Variants in PLEKHG1 observed in about 807,000 individuals in gnomAD.
PLEKHG1 encodes pleckstrin homology domain-containing family G member 1.
PLEKHG1 carries 44 observed loss-of-function variants against 100.8 expected under a neutral mutation model. The observed-to-expected ratio is 0.44, with a 90% CI of 0.34 to 0.56. PLEKHG1 has a LOEUF of 0.56. PLEKHG1 is among the 20% of genes least tolerant of loss of function. PLEKHG1 has a pLI of 0.01. For synonymous variants in PLEKHG1, 640 were observed against 662.5 expected (o/e 0.97, Z 0.52); for missense variants, 1,545 against 1,720.9 (o/e 0.90, Z 1.81).
At chr6:150,708,510 G>A (rs1314716191) in intron 3 of PLEKHG1, among the ~76,000 whole-genome samples, 2 of 152,126 alleles carry the variant, frequency 1.3e-5, no homozygotes, top group African/African-American at 2.4e-5. Context: ...AAATCAGTCA[G>A]TCATTCCATA....
At chr6:150,785,901 G>C (rs1476579089) in intron 3 of PLEKHG1, among the ~76,000 whole-genome samples, 1 of 152,088 alleles carries the variant, frequency 6.6e-6, no homozygotes, top group Non-Finnish European at 1.5e-5. Flanking sequence ...CTAATGGTAA[G>C]TGTAATGCAC....
At chr6:150,775,300 T>TG (rs1233415908) in intron 3 of PLEKHG1, among the ~76,000 whole-genome samples, 4 of 152,194 alleles carry the variant, frequency 2.6e-5, no homozygotes, top group Non-Finnish European at 5.9e-5. Context: ...TAAACAGTAA[T>TG]TTGAGCCTTT....
intron 2 of PLEKHG1, among the ~76,000 whole-genome samples, chr6:150,753,827 G>A (rs1783668793): frequency 1.3e-5 from 2 of 152,220 alleles, no homozygotes; most frequent in Admixed American, 1.3e-4. Context: ...GAGCAAGGGA[G>A]GAATGTTGGG....
At chr6:150,743,270 A>T (rs892601789) in intron 2 of PLEKHG1, among the ~76,000 whole-genome samples, 1 of 152,218 alleles carries the variant, frequency 6.6e-6, no homozygotes, top group Non-Finnish European at 1.5e-5. Flanking sequence ...CTGTAATCCC[A>T]GCACTTTGGG....
At chr6:150,649,691 A>G (rs950810848) in intron 2 of PLEKHG1, among the ~76,000 whole-genome samples, 1 of 152,060 alleles carries the variant, frequency 6.6e-6, no homozygotes, top group African/African-American at 2.4e-5. Context: ...AGCCTGGCCA[A>G]CATGGTGAAA....
chr6:150,752,865 A>G (rs951655181), intron 2 of PLEKHG1, among the ~76,000 whole-genome samples: 2 of 152,132 alleles, frequency 1.3e-5, no homozygotes, highest in African/African-American at 4.8e-5. Flanking sequence ...TAATCCCAGC[A>G]CTTTGGGAGG....
intron 3 of PLEKHG1, among the ~76,000 whole-genome samples, chr6:150,775,309 T>C (rs1440818689): frequency 6.6e-6 from 1 of 152,226 alleles, no homozygotes; most frequent in African/African-American, 2.4e-5. Flanking sequence ...ATTTGAGCCT[T>C]TCTTTAAGAA....
chr6:150,679,722 C>G (rs1005666224), intron 3 of PLEKHG1, among the ~76,000 whole-genome samples: 1 of 152,148 alleles, frequency 6.6e-6, no homozygotes, highest in Non-Finnish European at 1.5e-5. Flanking sequence ...AAAACACATG[C>G]GCTTTCCCTG....
intron 2 of PLEKHG1, among the ~76,000 whole-genome samples, chr6:150,644,780 A>G (rs528602405): frequency 6.6e-6 from 1 of 152,362 alleles, no homozygotes; most frequent in East Asian, 1.9e-4. Flanking sequence ...CCCTAGAAAT[A>G]CATCTAGTGA....
chr6:150,602,041 A>T (rs915210466), intron 1 of PLEKHG1, among the ~76,000 whole-genome samples: 20 of 152,172 alleles, frequency 1.3e-4, no homozygotes, highest in African/African-American at 4.8e-4. Context: ...ACCAAGAATA[A>T]CCAGTCCTAT....
At chr6:150,775,478 A>G (rs1034546684) in intron 3 of PLEKHG1, among the ~76,000 whole-genome samples, 1 of 152,186 alleles carries the variant, frequency 6.6e-6, no homozygotes, top group African/African-American at 2.4e-5. Flanking sequence ...TTTATTCAGT[A>G]TACCTATGTT....
At chr6:150,739,821 A>G (rs1426524253) in intron 2 of PLEKHG1, among the ~76,000 whole-genome samples, 3 of 152,298 alleles carry the variant, frequency 2.0e-5, no homozygotes, top group African/African-American at 4.8e-5. Context: ...CACCAACCCC[A>G]AGCTCTGTGT....
At chr6:150,816,474 C>T (rs1171518551) in intron 10 of PLEKHG1, among the ~76,000 whole-genome samples, 1 of 151,326 alleles carries the variant, frequency 6.6e-6, no homozygotes, top group African/African-American at 2.4e-5. Flanking sequence ...ATGTCAGGCA[C>T]ACACCACCAC....
chr6:150,727,364 A>T (rs962043075), intron 1 of PLEKHG1, among the ~76,000 whole-genome samples: 1 of 152,220 alleles, frequency 6.6e-6, no homozygotes, highest in Non-Finnish European at 1.5e-5. Context: ...AACGTTCTGC[A>T]TGAAACCTAA....
At chr6:150,678,561 T>C (rs1026365487) in intron 3 of PLEKHG1, among the ~76,000 whole-genome samples, 17 of 152,228 alleles carry the variant, frequency 1.1e-4, no homozygotes. Context: ...ATTAATTTTG[T>C]GCAGGCAGGG....
chr6:150,701,329 A>C (rs1389828409), intron 3 of PLEKHG1, among the ~76,000 whole-genome samples: 4 of 147,826 alleles, frequency 2.7e-5, no homozygotes, highest in Non-Finnish European at 6.0e-5. Context: ...CAAAAAAAAA[A>C]AAAAATGTAT....
intron 3 of PLEKHG1, among the ~76,000 whole-genome samples, chr6:150,688,751 A>G (rs1780236639): frequency 6.6e-6 from 1 of 152,236 alleles, no homozygotes; most frequent in Non-Finnish European, 1.5e-5. Context: ...AACTATGCTA[A>G]CATGTAAGAG....
rs865883262 is a variant in PLEKHG1, at chr6:150,804,203, T to C, written c.781-407T>C. Among the ~76,000 whole-genome samples, 13 of 96,480 alleles carry C rather than the reference T, an allele frequency of 1.3e-4. No homozygotes were observed. The South Asian group carries it at 1.4e-3, about 11-fold the overall frequency. 63.3% of individuals were successfully genotyped at this position (96,480 alleles called of 152,430 possible). A position where few individuals can be genotyped will look rare whatever the true frequency, so the allele number is the denominator to read the frequency against. ...TTTTTTTTTTTTTTTTTTTTTTTTTTCGAGGCAGAGTCTCACTCTGTCAGC... is the reference window on the plus strand; with the variant it reads ...TTTTTTTTTTTTTTTTTTTTTTTTTCCGAGGCAGAGTCTCACTCTGTCAGC... On this transcript the variant is annotated intron_variant, in intron 6 of 15. Transcript: ENST00000358517.
At chr6:150,707,192 A>G (rs1411816438) in intron 3 of PLEKHG1, among the ~76,000 whole-genome samples, 1 of 150,036 alleles carries the variant, frequency 6.7e-6, no homozygotes, top group African/African-American at 2.4e-5. Flanking sequence ...TTTAGTAGAG[A>G]CGGGTTTTGC....
Sources: gnomAD v4.1 joint callset for allele counts (sites outside exome capture counted in the v4.1 genomes callset) on GRCh38, gnomAD v4.1.1 for gene constraint, MANE v1.5 for transcripts, NCBI Gene and HGNC (gene_info 2026-07-23, HGNC 2026-07-21) for gene names.